The following MYO16 variants were observed in gnomAD, a reference collection of about 807,000 sequenced individuals.
MYO16 encodes the protein myosin XVI.
Under a neutral mutation model 205.3 loss-of-function variants are expected in MYO16, and 94 were observed. The observed-to-expected ratio is 0.46, with a 90% CI of 0.39 to 0.54. MYO16 has a LOEUF of 0.54. MYO16 is among the 20% of genes least tolerant of loss of function. MYO16 has a pLI of 0.00. For synonymous variants in MYO16, 988 were observed against 954.0 expected (o/e 1.04, Z -0.66); for missense variants, 2,315 against 2,387.5 (o/e 0.97, Z 0.63).
intron 2 of MYO16, among the ~76,000 whole-genome samples, chr13:108,684,812 A>G (rs541138026): frequency 6.6e-6 from 1 of 152,302 alleles, no homozygotes; most frequent in South Asian, 2.1e-4. Context: ...ATTACTGAAC[A>G]CACTGGGGAG....
At chr13:108,622,333 A>G (rs1053977371) in intron 1 of MYO16, among the ~76,000 whole-genome samples, 14 of 152,192 alleles carry the variant, frequency 9.2e-5, no homozygotes, top group African/African-American at 2.2e-4. Context: ...GGCGCTTGGC[A>G]TTACAGCTGC....
At chr13:108,596,835 G>A (rs1038193834) in intron 1 of MYO16, among the ~76,000 whole-genome samples, 4 of 151,922 alleles carry the variant, frequency 2.6e-5, no homozygotes, top group East Asian at 1.9e-4. Context: ...TTATTTCTAC[G>A]AAACAATCAC....
chr13:109,031,583 A>G (rs1438915873), intron 23 of MYO16, among the ~76,000 whole-genome samples: 4 of 152,172 alleles, frequency 2.6e-5, no homozygotes, highest in Non-Finnish European at 4.4e-5. Flanking sequence ...ATAGTTGAAG[A>G]ATAAATTTTG....
intron 27 of MYO16, among the ~76,000 whole-genome samples, chr13:109,087,930 A>G (rs903101193): frequency 2.6e-5 from 4 of 152,328 alleles, no homozygotes; most frequent in African/African-American, 4.8e-5. Flanking sequence ...TGTTCTTTTC[A>G]GTTTAACGAA....
At chr13:108,771,589 G>A (rs915411118) in intron 4 of MYO16, among the ~76,000 whole-genome samples, 4 of 152,090 alleles carry the variant, frequency 2.6e-5, no homozygotes, top group South Asian at 4.1e-4. Flanking sequence ...GGATCCACCC[G>A]TACAGAAATT....
intron 16 of MYO16, among the ~76,000 whole-genome samples, chr13:108,912,416 GA>G (rs1319728569): frequency 6.6e-6 from 1 of 151,864 alleles, no homozygotes; most frequent in Non-Finnish European, 1.5e-5. Flanking sequence ...AAGTTTAGAA[GA>G]AAAAGCTAAT....
chr13:108,669,253 T>C (rs1397464091), intron 2 of MYO16, among the ~76,000 whole-genome samples: 1 of 152,046 alleles, frequency 6.6e-6, no homozygotes, highest in East Asian at 1.9e-4. Flanking sequence ...AGATGAGTTT[T>C]CAAGGAGGAG....
intron 9 of MYO16, among the ~76,000 whole-genome samples, chr13:108,833,685 T>A (rs1036630616): frequency 2.0e-5 from 3 of 152,212 alleles, no homozygotes; most frequent in African/African-American, 4.8e-5. Flanking sequence ...TTTTCAGAAA[T>A]AAAATCCTAT....
chr13:108,877,763 T>G (rs1359947931), intron 12 of MYO16, among the ~76,000 whole-genome samples: 1 of 152,240 alleles, frequency 6.6e-6, no homozygotes, highest in Non-Finnish European at 1.5e-5. Flanking sequence ...CATGCACAGC[T>G]TATACACTTC....
chr13:109,033,040 T>C (rs1448943499), intron 23 of MYO16, among the ~76,000 whole-genome samples: 1 of 152,130 alleles, frequency 6.6e-6, no homozygotes, highest in Non-Finnish European at 1.5e-5. Flanking sequence ...AAGGCGTATT[T>C]ATAAGAGAAC....
At chr13:108,580,733 T>C in the MYO16 span, among the ~76,000 whole-genome samples, 1 of 152,188 alleles carries the variant, frequency 6.6e-6, no homozygotes, top group Non-Finnish European at 1.5e-5. Flanking sequence ...TGCCTGGAGA[T>C]GATCCCAGTG....
chr13:108,680,154 G>A (rs1204446172), intron 2 of MYO16, among the ~76,000 whole-genome samples: 4 of 152,160 alleles, frequency 2.6e-5, no homozygotes, highest in Non-Finnish European at 4.4e-5. Context: ...GTGTATCAGG[G>A]CATTGAATAT....
chr13:109,094,353 G>C (rs1755592327), intron 27 of MYO16, among the ~76,000 whole-genome samples: 1 of 151,962 alleles, frequency 6.6e-6, no homozygotes, highest in South Asian at 2.1e-4. Flanking sequence ...TGGCAATATA[G>C]GTTTGTGCCA....
chr13:108,543,524 C>A, the MYO16 span, among the ~76,000 whole-genome samples: 3 of 151,564 alleles, frequency 2.0e-5, no homozygotes, highest in African/African-American at 4.8e-5. Context: ...CGCCTGTAGT[C>A]CCAGCTACTC....
intron 6 of MYO16, among the ~76,000 whole-genome samples, chr13:108,798,863 G>A (rs1363969537): frequency 2.8e-5 from 4 of 143,010 alleles, no homozygotes; most frequent in Non-Finnish European, 4.6e-5. Context: ...CCGCCACCGC[G>A]CCCGGCTAAT....
At chr13:109,010,976 T>TATATATATATATATATATATATATATATA (rs59979915) in intron 22 of MYO16, among the ~76,000 whole-genome samples, 27 of 143,158 alleles carry the variant, frequency 1.9e-4, no homozygotes, top group Non-Finnish European at 2.1e-4. Context: ...TATATATATA[T>TATATATATATATATATATATATATATATA]TTCTTCACCT....
chr13:108,762,533 G>GT (rs1885644136), intron 4 of MYO16, among the ~76,000 whole-genome samples: 1 of 152,156 alleles, frequency 6.6e-6, no homozygotes, highest in African/African-American at 2.4e-5. Context: ...TCTGACAGGA[G>GT]TAAGATGATA....
intron 29 of MYO16, among the ~76,000 whole-genome samples, chr13:109,124,828 T>C (rs1018364531): frequency 2.6e-5 from 4 of 152,174 alleles, no homozygotes; most frequent in Admixed American, 1.3e-4. Context: ...GATTTAGACC[T>C]AGTTCTTTCC....
At chr13:108,932,684 G>T (rs1443521194) in intron 16 of MYO16, among the ~76,000 whole-genome samples, 1 of 152,090 alleles carries the variant, frequency 6.6e-6, no homozygotes, top group Non-Finnish European at 1.5e-5. Flanking sequence ...CTTGTTGTCT[G>T]GCTGTGCATC....
Sources: allele counts gnomAD v4.1 joint callset (sites outside exome capture counted in the v4.1 genomes callset), GRCh38; gene constraint gnomAD v4.1.1; transcripts MANE v1.5; gene names NCBI Gene and HGNC (gene_info 2026-07-23, HGNC 2026-07-21).